Variants in SLMAP observed in about 807,000 individuals in gnomAD.
SLMAP encodes the protein sarcolemma associated protein, also known as sarcolemmal membrane-associated protein.
A neutral mutation model predicts 128.8 loss-of-function variants in SLMAP; 44 were observed. The ratio of observed to expected loss-of-function variants is 0.34; its 90% CI spans 0.27 to 0.44. The LOEUF (loss-of-function observed/expected upper bound fraction) is 0.44. SLMAP is among the 20% of genes least tolerant of loss of function. SLMAP has a pLI of 1.00. For synonymous variants in SLMAP, 327 were observed against 348.8 expected, an observed-to-expected ratio of 0.94 and a Z score of 0.70; for missense variants, 787 against 985.3, an observed-to-expected ratio of 0.80 and a Z score of 2.69.
chr3:57,869,894 G>C (rs1366449407), intron 13 of SLMAP, among the ~76,000 whole-genome samples: 1 of 150,950 alleles, frequency 6.6e-6, no homozygotes, highest in Non-Finnish European at 1.5e-5. Context: ...TATAGTATTA[G>C]ATAACACAGG....
intron 14 of SLMAP, among the ~76,000 whole-genome samples, chr3:57,884,009 G>A (rs556419326): frequency 2.1e-5 from 3 of 145,362 alleles, no homozygotes; most frequent in Admixed American, 7.2e-5. Flanking sequence ...TTGGCTCACT[G>A]CAGCCACAAC....
At chr3:57,774,606 C>T (rs1022316434) in intron 2 of SLMAP, among the ~76,000 whole-genome samples, 2 of 151,820 alleles carry the variant, frequency 1.3e-5, no homozygotes, top group African/African-American at 2.4e-5. Context: ...CTCACTGCAA[C>T]CTCTGCTTCC....
Position 57,757,861 on chromosome 3 carries a change from A to T in SLMAP, c.198+12A>T, listed in dbSNP as rs752576542. 6.2e-7 allele frequency: 1 copy of T among 1,613,140 alleles called. No individual in the cohort carries two copies. The highest frequency in any genetic ancestry group is 1.3e-5 in the African/African-American group (1 of 74,916). ...ACAAGACGGGCAAGGTAATGTCACC[A>T]CATTGTCCAGCGGCATTGTTTAACA... On this transcript the variant is annotated intron_variant, in intron 2 of 24. Transcript: ENST00000671191.
chr3:57,757,303 G>A lies in SLMAP; in HGVS notation c.-349G>A. The A allele has an allele frequency of 2.8e-6, 1 of 362,454 alleles. No individual in the cohort carries two copies. The highest frequency in any genetic ancestry group is 2.6e-5 in the South Asian group (1 of 39,040). 22.5% of individuals were successfully genotyped at this position (362,454 alleles called of 1,614,324 possible). A position where few individuals can be genotyped will look rare whatever the true frequency, so the allele number is the denominator to read the frequency against. The stretch of plus-strand genomic sequence containing the variant: ...ACAAGAATTGGCGTGTGACTCATCT[G>A]CTTGGATACCTCCAGTCCCCAAACT... On this transcript the variant is annotated 5_prime_UTR_variant, in exon 2 of 25. Coordinates refer to ENST00000671191, the MANE Select transcript of SLMAP (RefSeq NM_001377540.1).
chr3:57,853,634 G>C (rs2094584664), intron 6 of SLMAP, among the ~76,000 whole-genome samples: 1 of 151,920 alleles, frequency 6.6e-6, no homozygotes, highest in Non-Finnish European at 1.5e-5. Flanking sequence ...GTACACCAAT[G>C]TCTTTCTCTG....
chr3:57,787,356 A>G (rs969592691), intron 2 of SLMAP, among the ~76,000 whole-genome samples: 1 of 152,152 alleles, frequency 6.6e-6, no homozygotes. Context: ...TTGCTTTGTC[A>G]TGGACTGAAT....
intron 2 of SLMAP, among the ~76,000 whole-genome samples, chr3:57,826,783 T>C (rs1449158066): frequency 6.6e-6 from 1 of 152,228 alleles, no homozygotes; most frequent in Non-Finnish European, 1.5e-5. Flanking sequence ...TTTTCTTCAG[T>C]TGGCCTCCAT....
intron 15 of SLMAP, among the ~76,000 whole-genome samples, chr3:57,892,813 C>A (rs987563155): frequency 1.4e-5 from 2 of 144,422 alleles, no homozygotes; most frequent in African/African-American, 5.0e-5. Flanking sequence ...CACACACATA[C>A]ACACACAAAC....
intron 17 of SLMAP, among the ~76,000 whole-genome samples, chr3:57,903,977 C>T (rs1333516973): frequency 6.6e-6 from 1 of 152,152 alleles, no homozygotes; most frequent in East Asian, 1.9e-4. Context: ...ACTAGTAATG[C>T]ATTTTCCCAC....
At chr3:57,795,579 G>A (rs1341069702) in intron 2 of SLMAP, among the ~76,000 whole-genome samples, 1 of 151,958 alleles carries the variant, frequency 6.6e-6, no homozygotes, top group Non-Finnish European at 1.5e-5. Context: ...ATTATCAGTT[G>A]TATATTCAGG....
intron 14 of SLMAP, among the ~76,000 whole-genome samples, chr3:57,872,542 C>T (rs1365826471): frequency 1.3e-5 from 2 of 152,116 alleles, no homozygotes; most frequent in African/African-American, 2.4e-5. Context: ...TTGCTTGAAC[C>T]CAGGAGGTGG....
chr3:57,843,235 C>T (rs760516224), intron 4 of SLMAP, among the ~76,000 whole-genome samples: 22 of 150,686 alleles, frequency 1.5e-4, no homozygotes, highest in Middle Eastern at 6.9e-3. Context: ...TTTTTTCCTT[C>T]CTTAATTTTT....
At chr3:57,795,703 C>T (rs1398190235) in intron 2 of SLMAP, among the ~76,000 whole-genome samples, 3 of 151,978 alleles carry the variant, frequency 2.0e-5, no homozygotes, top group Non-Finnish European at 4.4e-5. Flanking sequence ...ACCATTTGTA[C>T]AATTTTAAGT....
chr3:57,858,178 T>C lies in SLMAP; in HGVS notation c.687+19T>C. 2 of 1,410,548 alleles carry C rather than the reference T, an allele frequency of 1.4e-6. No homozygotes were observed. Among genetic ancestry groups the C allele is most frequent in the East Asian group, 2.3e-5 (1 of 43,842 alleles). The allele number at this position is 1,410,548 out of a possible 1,614,324, so 87.4% of individuals were successfully genotyped here. On this transcript the variant is annotated intron_variant, in intron 8 of 24. Transcript: ENST00000671191. ...CTCCAAAGTAGGTATTAACCTCAAA[T>C]GTGTAAAATGAAATGCATAGTTTTT...
chr3:57,803,411 C>T (rs971171814), intron 2 of SLMAP, among the ~76,000 whole-genome samples: 2 of 152,116 alleles, frequency 1.3e-5, no homozygotes, highest in Non-Finnish European at 2.9e-5. Flanking sequence ...ACTAAATTAA[C>T]AAAATCAAAT....
Position 57,831,493 on chromosome 3 carries a change from C to A in SLMAP, c.309C>A (p.Ile103=). ...PPCEILSGDI[I]QFGVDVTENT... is the part of the protein sequence containing the mutation. Reference sequence around the variant, plus strand: ...GTGAAATTCTTTCCGGTGACATTATCCAGTTTGGAGTAGACGTGACAGAGA... The same window carrying A: ...GTGAAATTCTTTCCGGTGACATTATACAGTTTGGAGTAGACGTGACAGAGA... Residue 103 remains isoleucine (I), a synonymous_variant, in exon 3 of 25, where the codon ATC becomes ATA. Coordinates refer to ENST00000671191, the MANE Select transcript of SLMAP (RefSeq NM_001377540.1). 1.9e-6 allele frequency: 3 copies of A among 1,589,924 alleles called. No homozygotes were observed. The highest frequency in any genetic ancestry group is 2.6e-6 in the Non-Finnish European group (3 of 1,167,382).
intron 3 of SLMAP, among the ~76,000 whole-genome samples, chr3:57,837,896 G>A (rs56347008): frequency 0.12 from 17,618 of 152,194 alleles, 1,113 homozygotes; most frequent in South Asian, 0.16. Flanking sequence ...CACATTAAAG[G>A]CATCGTTGAC....
At chr3:57,910,152 C>A (rs1286521751) in intron 19 of SLMAP, among the ~76,000 whole-genome samples, 1 of 151,710 alleles carries the variant, frequency 6.6e-6, no homozygotes, top group Non-Finnish European at 1.5e-5. Flanking sequence ...GATATATTGC[C>A]ATCTAATGCT....
In SLMAP at chr3:57,831,281, ACTTGCAATAGTT is replaced by A. The variant is rs1560149407; in HGVS notation, c.199-101_199-90del. 2,832 of 752,958 alleles carry A rather than the reference ACTTGCAATAGTT, an allele frequency of 3.8e-3. 40 individuals carry two copies. In the African/African-American group the frequency reaches 0.046, roughly 12 times the overall value. 46.6% of individuals were successfully genotyped at this position (752,958 alleles called of 1,614,324 possible). On this transcript the variant is annotated intron_variant, in intron 2 of 24. Coordinates refer to ENST00000671191, the MANE Select transcript of SLMAP (RefSeq NM_001377540.1). ...GTTTGAATTAATAGGGGAAAAATTC[ACTTGCAATAGTT>A]GGCAAAGCTGGAAGCATTTTTTTAA...
Sources: gnomAD v4.1 joint callset for allele counts (sites outside exome capture counted in the v4.1 genomes callset) on GRCh38, gnomAD v4.1.1 for gene constraint, MANE v1.5 for transcripts, NCBI Gene and HGNC (gene_info 2026-07-23, HGNC 2026-07-21) for gene names.